The following CRX variants were observed in gnomAD, a reference collection of about 807,000 sequenced individuals.
The protein encoded by CRX is cone-rod homeobox protein.
A neutral mutation model predicts 13.1 loss-of-function variants in CRX; 5 were observed. That is an observed-to-expected ratio of 0.38 (90% CI 0.20 to 0.80). CRX has a LOEUF of 0.80. Ranked by LOEUF, CRX falls within the 30% of genes least tolerant of loss-of-function variation. The pLI, the probability that CRX is intolerant of heterozygous loss-of-function variation, is 0.43. For missense variants in CRX, 351 were observed against 391.8 expected (o/e 0.90, Z 0.88); for synonymous variants, 179 against 171.1 (o/e 1.05, Z -0.36).
At chr19:47,833,818 G>C (rs1194476482) in intron 1 of CRX, among the ~76,000 whole-genome samples, 2 of 151,878 alleles carry the variant, frequency 1.3e-5, no homozygotes, top group African/African-American at 4.8e-5. Context: ...AACAGGATCA[G>C]ATTTGTTTTG....
Position 47,843,202 on chromosome 19 carries a change from G to T in CRX, c.*3235G>T, listed in dbSNP as rs1030493430. ...ACAAGGCAGGTGGGGACAGAAGGAA[G>T]AAGCCAGGAGCCTCCCTGAGAAGGT... On this transcript the variant is annotated 3_prime_UTR_variant, in exon 4 of 4. Coordinates refer to ENST00000221996, the MANE Select transcript of CRX (RefSeq NM_000554.6). 6.6e-6 allele frequency: 1 copy of T among 152,310 alleles called. No individual in the cohort carries two copies. Among genetic ancestry groups the T allele is most frequent in the African/African-American group, 2.4e-5 (1 of 41,448 alleles). 9.4% of individuals were successfully genotyped at this position (152,310 alleles called of 1,614,324 possible).
At chr19:47,822,359 TG>T (rs1967922675) in intron 1 of CRX, among the ~76,000 whole-genome samples, 1 of 152,224 alleles carries the variant, frequency 6.6e-6, no homozygotes, top group South Asian at 2.1e-4. Flanking sequence ...CATACCGCTC[TG>T]TTGGATGTTC....
At chr19:47,830,441 G>A (rs1422483513) in intron 1 of CRX, among the ~76,000 whole-genome samples, 2 of 152,272 alleles carry the variant, frequency 1.3e-5, no homozygotes, top group Non-Finnish European at 2.9e-5. Context: ...AGTGGCTCAC[G>A]CCTGTAATCC....
chr19:47,831,745 AT>A (rs546971126), intron 1 of CRX, among the ~76,000 whole-genome samples: 57 of 151,888 alleles, frequency 3.8e-4, no homozygotes, highest in Non-Finnish European at 6.9e-4. Context: ...ACTTTTTTTA[AT>A]TTTTATTTTT....
chr19:47,826,282 C>T (rs1209551197), intron 1 of CRX, among the ~76,000 whole-genome samples: 2 of 151,990 alleles, frequency 1.3e-5, no homozygotes, highest in East Asian at 1.9e-4. Flanking sequence ...GGGTAAGTCA[C>T]ACTTTCGAGC....
chr19:47,836,055 T>C (rs1206617326), intron 2 of CRX, among the ~76,000 whole-genome samples, 188 bp from the exon 3 acceptor site: 1 of 152,144 alleles, frequency 6.6e-6, no homozygotes, highest in Non-Finnish European at 1.5e-5. Flanking sequence ...AGCTAAAGCC[T>C]TGGGGTCAGG....
chr19:47,837,062 G>A lies in CRX; in HGVS notation c.252+668G>A, dbSNP rs530890805. Among the ~76,000 whole-genome samples the A allele has an allele frequency of 5.3e-5, 8 of 152,232 alleles. 1 individual carries two copies. In the East Asian group the frequency reaches 1.2e-3, roughly 22 times the overall value. ...TGTATATATGTGTGTTTGCATGAACGCACATAGGTATGATTAGATAGATGA... is the reference window on the plus strand; with the variant it reads ...TGTATATATGTGTGTTTGCATGAACACACATAGGTATGATTAGATAGATGA... On this transcript the variant is annotated intron_variant, in intron 3 of 3. Transcript: ENST00000221996.
chr19:47,835,975 TC>T (rs1968112721), intron 2 of CRX, among the ~76,000 whole-genome samples: 1 of 151,968 alleles, frequency 6.6e-6, no homozygotes, highest in Non-Finnish European at 1.5e-5. Context: ...ATGTCATGCT[TC>T]AACTGATTAT....
Position 47,824,990 on chromosome 19 carries a change from A to ATT in CRX, c.-36+2997_-36+2998dup, listed in dbSNP as rs11374819. 9.3e-4 allele frequency among the ~76,000 whole-genome samples: 93 copies of ATT among 100,362 alleles called. 7 individuals are homozygous for ATT. The highest frequency in any genetic ancestry group is 2.4e-3 in the African/African-American group (61 of 25,080). The allele number at this position is 100,362 out of a possible 152,430, so 65.8% of individuals were successfully genotyped here. On this transcript the variant is annotated intron_variant, in intron 1 of 3. Coordinates refer to ENST00000221996, the MANE Select transcript of CRX (RefSeq NM_000554.6). ...AGACAGGTCCTCTTTCGATTGATTGATTTTTTTTTTTTTTTTTTGGGATGG... is the reference window on the plus strand; with the variant it reads ...AGACAGGTCCTCTTTCGATTGATTGATTTTTTTTTTTTTTTTTTTTGGGATGG...
Position 47,840,200 on chromosome 19 carries a change from C to T in CRX, c.*233C>T, listed in dbSNP as rs1270758900. ...CTAGTGATTCTCTCAACCCTAACAC[C>T]GTCTGGCACGATTGTGACCGCTGAA... On this transcript the variant is annotated 3_prime_UTR_variant, in exon 4 of 4. Coordinates refer to ENST00000221996, the MANE Select transcript of CRX (RefSeq NM_000554.6). 3.7e-6 allele frequency: 2 copies of T among 547,932 alleles called. No homozygotes were observed. Among genetic ancestry groups the T allele is most frequent in the Non-Finnish European group, 6.6e-6 (2 of 304,536 alleles). The allele number at this position is 547,932 out of a possible 1,614,324, so 33.9% of individuals were successfully genotyped here.
chr19:47,828,893 AACACACACACACACACACACACACACAC>A (rs59471457), intron 1 of CRX, among the ~76,000 whole-genome samples: 1 of 134,048 alleles, frequency 7.5e-6, no homozygotes, highest in South Asian at 2.7e-4. Flanking sequence ...TTTTGACAAG[AACACACACACACACACACACACACACAC>A]ACACACACAC....
chr19:47,841,265 T>C lies in CRX; in HGVS notation c.*1298T>C, dbSNP rs1260870390. ...GTACTTTTTCTTCTTAGTTTCTTTT[T>C]AAAGACATTTTATCACTCATTCGCT... On this transcript the variant is annotated 3_prime_UTR_variant, in exon 4 of 4. Transcript: ENST00000221996. 6.6e-6 allele frequency: 1 copy of C among 152,230 alleles called. No individual in the cohort carries two copies. Among genetic ancestry groups the C allele is most frequent in the Non-Finnish European group, 1.5e-5 (1 of 68,036 alleles). The allele number at this position is 152,230 out of a possible 1,614,324, so 9.4% of individuals were successfully genotyped here. A position where few individuals can be genotyped will look rare whatever the true frequency, so the allele number is the denominator to read the frequency against.
chr19:47,837,674 G>A (rs1050160012), intron 3 of CRX, among the ~76,000 whole-genome samples: 5 of 152,148 alleles, frequency 3.3e-5, no homozygotes, highest in Non-Finnish European at 7.4e-5. Flanking sequence ...ACATGCATAT[G>A]ATGTATGTAT....
Position 47,839,262 on chromosome 19 carries a change from C to T in CRX, c.253-58C>T, listed in dbSNP as rs80125819. On this transcript the variant is annotated intron_variant, in intron 3 of 3. Coordinates refer to ENST00000221996, the MANE Select transcript of CRX (RefSeq NM_000554.6). This position sits in a 1 kb window ranked among gnomAD's most constrained non-coding sequence, Gnocchi z 4.6. ...AGTGTCCTCATCCCCGGGCACCCTG[C>T]GGCTCTCCTGGGCCTCTTCCCCACT... 20 of 1,563,098 alleles carry T rather than the reference C, an allele frequency of 1.3e-5. No homozygotes were observed. The highest frequency in any genetic ancestry group is 2.3e-4 in the Middle Eastern group (1 of 4,364).
intron 3 of CRX, among the ~76,000 whole-genome samples, chr19:47,836,869 A>G (rs1012160498): frequency 4.6e-5 from 7 of 152,200 alleles, no homozygotes; most frequent in South Asian, 4.2e-4. Context: ...TGGTTAATAC[A>G]TGTTTATTAA....
chr19:47,826,146 T>C (rs1967972950), intron 1 of CRX, among the ~76,000 whole-genome samples: 1 of 152,136 alleles, frequency 6.6e-6, no homozygotes, highest in South Asian at 2.1e-4. Context: ...TTTAACATTA[T>C]TGGTTTTTGG....
At chr19:47,833,437 A>G (rs1006849649) in intron 1 of CRX, among the ~76,000 whole-genome samples, 4 of 151,084 alleles carry the variant, frequency 2.6e-5, no homozygotes, top group Non-Finnish European at 4.4e-5. Flanking sequence ...ACCCGCCACC[A>G]CACCTGGCTA....
rs1336661809 is a variant in CRX at position 47,834,605 on chromosome 19, G to C, written c.100+62G>C. ...CCTCATCTCTTGGAGGACCTCTGGG[G>C]TCCCTTTGCCCCCAGGAAGAAGGCA... On this transcript the variant is annotated intron_variant, in intron 2 of 3. Coordinates refer to ENST00000221996, the MANE Select transcript of CRX (RefSeq NM_000554.6). 5.0e-6 allele frequency: 7 copies of C among 1,389,294 alleles called. No homozygotes were observed. The African/African-American group carries it at 7.1e-5, about 14-fold the overall frequency. 86.1% of individuals were successfully genotyped at this position (1,389,294 alleles called of 1,614,324 possible).
At chr19:47,833,956 C>T (rs1305109351) in intron 1 of CRX, among the ~76,000 whole-genome samples, 1 of 151,994 alleles carries the variant, frequency 6.6e-6, no homozygotes, top group Non-Finnish European at 1.5e-5. Context: ...GCTGGGATTA[C>T]AGGCATGCAT....
Sources: allele counts gnomAD v4.1 joint callset (sites outside exome capture counted in the v4.1 genomes callset), GRCh38; gene constraint gnomAD v4.1.1; non-coding constraint Gnocchi (gnomAD v3.1); transcripts MANE v1.5; gene names NCBI Gene and HGNC (gene_info 2026-07-23, HGNC 2026-07-21).